CDH13: variants seen among roughly 807,000 people sequenced by gnomAD.
The protein encoded by CDH13 is cadherin-13.
In CDH13, 24 loss-of-function variants were observed where a neutral mutation model predicts 63.8. The observed-to-expected ratio is 0.38, with a 90% CI of 0.27 to 0.53. CDH13 has a LOEUF of 0.53. Ranked by LOEUF, CDH13 falls within the 20% of genes least tolerant of loss-of-function variation. The probability of loss-of-function intolerance (pLI) is 0.85; values close to 1 mark genes in which losing one functional copy is unlikely to be tolerated. For missense variants in CDH13, 1,049 were observed against 903.1 expected (o/e 1.16, Z -2.07); for synonymous variants, 503 against 355.3 (o/e 1.42, Z -4.67).
intron 10 of CDH13, among the ~76,000 whole-genome samples, chr16:83,693,709 T>C (rs1455855742): frequency 6.6e-6 from 1 of 152,238 alleles, no homozygotes; most frequent in African/African-American, 2.4e-5. Context: ...GTTTGCAGCT[T>C]GGCCCTTTGG....
intron 1 of CDH13, among the ~76,000 whole-genome samples, chr16:82,676,242 C>T (rs184862051): frequency 4.3e-4 from 66 of 152,282 alleles, no homozygotes; most frequent in African/African-American, 1.4e-3. Context: ...TGACATTCTT[C>T]TTACATGTCT....
At chr16:82,717,969 A>G (rs2151017314) in intron 1 of CDH13, among the ~76,000 whole-genome samples, 1 of 152,348 alleles carries the variant, frequency 6.6e-6, no homozygotes, top group African/African-American at 2.4e-5. Flanking sequence ...TCACCCAATG[A>G]GACCTGACCC....
intron 2 of CDH13, among the ~76,000 whole-genome samples, chr16:82,901,221 T>C (rs1789574165): frequency 6.6e-6 from 1 of 152,120 alleles, no homozygotes; most frequent in African/African-American, 2.4e-5. Context: ...CATCACAGCT[T>C]ATTTTCTAGC....
chr16:83,244,735 C>T (rs1252851778), intron 5 of CDH13, among the ~76,000 whole-genome samples: 1 of 152,154 alleles, frequency 6.6e-6, no homozygotes, highest in East Asian at 1.9e-4. Context: ...CAACAGAAAC[C>T]AGGCAACAGC....
rs1191538810 is a variant in CDH13, at chr16:83,800,218, A to AAGCACT, written c.*5190_*5195dup. ...AAGATTTGGAGAAAGGGGCTTATAG[A>AAGCACT]AGCACTATGAAAATAAACTGGAGAC... On this transcript the variant is annotated 3_prime_UTR_variant, in exon 14 of 14. Coordinates refer to ENST00000567109, the MANE Select transcript of CDH13 (RefSeq NM_001257.5). 1.3e-5 allele frequency: 2 copies of AAGCACT among 152,204 alleles called. No individual in the cohort carries two copies. Among genetic ancestry groups the AAGCACT allele is most frequent in the Non-Finnish European group, 2.9e-5 (2 of 68,026 alleles). 9.4% of individuals were successfully genotyped at this position (152,204 alleles called of 1,614,324 possible). A position where few individuals can be genotyped will look rare whatever the true frequency, so the allele number is the denominator to read the frequency against.
intron 1 of CDH13, among the ~76,000 whole-genome samples, chr16:82,730,247 A>G (rs1353184021): frequency 6.6e-6 from 1 of 152,204 alleles, no homozygotes; most frequent in Non-Finnish European, 1.5e-5. Context: ...CTTGGCTTTC[A>G]ACATACTTTC....
intron 2 of CDH13, among the ~76,000 whole-genome samples, chr16:82,993,901 G>A (rs1470592331): frequency 6.6e-6 from 1 of 152,156 alleles, no homozygotes; most frequent in African/African-American, 2.4e-5. Flanking sequence ...AGAGGGGGCT[G>A]CAGAGGATTA....
At chr16:83,467,250 A>G (rs2073338545) in intron 6 of CDH13, among the ~76,000 whole-genome samples, 1 of 152,202 alleles carries the variant, frequency 6.6e-6, no homozygotes, top group South Asian at 2.1e-4. Flanking sequence ...TTCTTTCTTT[A>G]AAGATTGGAA....
rs761662209 is a variant in CDH13, at chr16:83,401,935, C to A, written c.781+56929C>A. On this transcript the variant is annotated intron_variant, in intron 6 of 13. Coordinates refer to ENST00000567109, the MANE Select transcript of CDH13 (RefSeq NM_001257.5). The stretch of plus-strand genomic sequence containing the variant: ...TCAGTCTCATATTCATCTGGAGACC[C>A]CTCCAGAGCTTGAGGTCTTGAGAAG... Among the ~76,000 whole-genome samples the A allele has an allele frequency of 2.2e-4, 34 of 152,226 alleles. No homozygotes were observed. In the Middle Eastern group the frequency reaches 0.01, roughly 46 times the overall value.
chr16:82,739,335 T>G (rs2033829154), intron 1 of CDH13, among the ~76,000 whole-genome samples: 1 of 152,238 alleles, frequency 6.6e-6, no homozygotes. Flanking sequence ...GGGCTAGATG[T>G]GAGGGAAGAG....
chr16:82,933,024 T>A (rs1051870459), intron 2 of CDH13, among the ~76,000 whole-genome samples: 4 of 152,208 alleles, frequency 2.6e-5, no homozygotes, highest in African/African-American at 9.6e-5. Flanking sequence ...TATTTTTTTA[T>A]ATTTTTATGA....
chr16:82,805,058 C>T (rs2037075666), intron 1 of CDH13, among the ~76,000 whole-genome samples: 1 of 152,278 alleles, frequency 6.6e-6, no homozygotes, highest in Middle Eastern at 3.4e-3. Context: ...GACACGGCAT[C>T]GTTAAGTATC....
At chr16:83,715,956 T>G (rs556166768) in intron 10 of CDH13, among the ~76,000 whole-genome samples, 2 of 152,358 alleles carry the variant, frequency 1.3e-5, no homozygotes, top group African/African-American at 4.8e-5. Flanking sequence ...ATTTGATGAC[T>G]ATTCTATCAG....
At chr16:82,659,370 G>A (rs1477398602) in intron 1 of CDH13, among the ~76,000 whole-genome samples, 1 of 152,212 alleles carries the variant, frequency 6.6e-6, no homozygotes, top group Non-Finnish European at 1.5e-5. Context: ...TTGCCATTGA[G>A]AGGGGAATAG....
intron 1 of CDH13, among the ~76,000 whole-genome samples, chr16:82,828,391 A>G (rs1445875138): frequency 6.6e-6 from 1 of 152,104 alleles, no homozygotes; most frequent in Non-Finnish European, 1.5e-5. Flanking sequence ...GCCAAGGCAA[A>G]CAGATGACTT....
chr16:82,715,524 A>G (rs2032303572), intron 1 of CDH13, among the ~76,000 whole-genome samples: 1 of 152,162 alleles, frequency 6.6e-6, no homozygotes. Flanking sequence ...TGCACACAAC[A>G]ATAATCTCCC....
intron 5 of CDH13, among the ~76,000 whole-genome samples, chr16:83,286,078 T>C (rs1567564490): frequency 2.0e-5 from 3 of 152,120 alleles, no homozygotes; most frequent in South Asian, 2.1e-4. Context: ...AATTTGTTCC[T>C]CCTCCTTGTC....
chr16:83,180,816 CTTGT>C, intron 4 of CDH13: 2 of 1,239,520 alleles, frequency 1.6e-6, no homozygotes, highest in Non-Finnish European at 2.3e-6. Context: ...CATTTGTTGG[CTTGT>C]TTATTTTAAT....
chr16:83,611,795 A>G (rs1438049284), intron 8 of CDH13, among the ~76,000 whole-genome samples: 1 of 152,052 alleles, frequency 6.6e-6, no homozygotes, highest in Non-Finnish European at 1.5e-5. Flanking sequence ...TTCTAGAAGT[A>G]TATTGCTAAA....
Sources: gnomAD v4.1 joint callset for allele counts (sites outside exome capture counted in the v4.1 genomes callset) on GRCh38, gnomAD v4.1.1 for gene constraint, MANE v1.5 for transcripts, NCBI Gene and HGNC (gene_info 2026-07-23, HGNC 2026-07-21) for gene names.